The following ATF1 variants were observed in gnomAD, a reference collection of about 807,000 sequenced individuals.
ATF1 encodes the protein cyclic AMP-dependent transcription factor ATF-1.
In ATF1, 16 loss-of-function variants were observed where a neutral mutation model predicts 34.7. The ratio of observed to expected loss-of-function variants is 0.46; its 90% CI spans 0.31 to 0.70. The LOEUF (loss-of-function observed/expected upper bound fraction) is 0.70, where lower values mean the gene tolerates loss of function less well. Ranked by LOEUF, ATF1 falls within the 30% of genes least tolerant of loss-of-function variation. The pLI, the probability that ATF1 is intolerant of heterozygous loss-of-function variation, is 0.05. For missense variants in ATF1, 255 were observed against 321.6 expected (o/e 0.79, Z 1.58); for synonymous variants, 105 against 113.1 (o/e 0.93, Z 0.46).
chr12:50,805,787 C>T (rs1941604444), intron 3 of ATF1, among the ~76,000 whole-genome samples: 1 of 152,004 alleles, frequency 6.6e-6, no homozygotes, highest in Admixed American at 6.6e-5. Context: ...AGGTCTTGCT[C>T]TTAAGTCAGA....
intron 2 of ATF1, among the ~76,000 whole-genome samples, chr12:50,791,999 A>G (rs1023577043): frequency 6.6e-6 from 1 of 152,152 alleles, no homozygotes; most frequent in African/African-American, 2.4e-5. Flanking sequence ...GTTTTCAACC[A>G]TATCTCTTCA....
chr12:50,777,080 C>T (rs959353149), intron 1 of ATF1, among the ~76,000 whole-genome samples: 1 of 152,166 alleles, frequency 6.6e-6, no homozygotes, highest in Non-Finnish European at 1.5e-5. Context: ...TCTCGAACTC[C>T]TGACCTCAGA....
intron 2 of ATF1, among the ~76,000 whole-genome samples, chr12:50,783,323 G>T (rs1005779440): frequency 6.6e-6 from 1 of 152,114 alleles, no homozygotes; most frequent in Admixed American, 6.6e-5. Flanking sequence ...GCCTTATTTG[G>T]CTATATCTGT....
chr12:50,788,667 G>T (rs1040077817), intron 2 of ATF1, among the ~76,000 whole-genome samples: 2 of 152,044 alleles, frequency 1.3e-5, no homozygotes. Context: ...TTGCCTACTT[G>T]ATAAAATTTA....
rs1941792623 is a variant in ATF1 at position 50,814,125 on chromosome 12, T to G, written c.444T>G (p.Ile148Met). 1 of 1,614,214 alleles carries G rather than the reference T, an allele frequency of 6.2e-7. No homozygotes were observed. Residue 148 changes from isoleucine to methionine, a missense_variant, in exon 5 of 7, where the codon ATT becomes ATG. By Grantham distance (10) the Ile-to-Met change is conservative (BLOSUM62 1). Transcript: ENST00000262053. ...GCAGTACTCAGCAAGGTACAACTAT[T>G]CTTCAGTATGCACAGACCTCTGATG... ...NSGSTQQGTT[I>M]LQYAQTSDGQ...
intron 3 of ATF1, among the ~76,000 whole-genome samples, chr12:50,803,756 T>C (rs1396712665): frequency 6.6e-6 from 1 of 152,114 alleles, no homozygotes; most frequent in Non-Finnish European, 1.5e-5. Flanking sequence ...ATGGAATATT[T>C]TTACTTAGCA....
chr12:50,806,360 G>T, intron 3 of ATF1: 1 of 505,712 alleles, frequency 2.0e-6, no homozygotes, highest in Non-Finnish European at 4.1e-6. Flanking sequence ...CACCAGATGG[G>T]CTTGTAGACA....
rs753582664 is a variant in ATF1, at chr12:50,819,965, C to T, written c.*186C>T. 1.5e-5 allele frequency: 7 copies of T among 471,964 alleles called. 1 individual carries two copies. The highest frequency in any genetic ancestry group is 1.4e-4 in the East Asian group (4 of 27,670). 29.2% of individuals were successfully genotyped at this position (471,964 alleles called of 1,614,324 possible). ...GTGGAAAATGACCTCAAGGAAGCTA[C>T]GGGCACAACTGGAAGCTTTGTAGAA... On this transcript the variant is annotated 3_prime_UTR_variant, in exon 7 of 7. Transcript: ENST00000262053.
At chr12:50,785,964 G>T (rs113772682) in intron 2 of ATF1, among the ~76,000 whole-genome samples, 18 of 152,274 alleles carry the variant, frequency 1.2e-4, no homozygotes, top group African/African-American at 4.3e-4. Context: ...GCTTAATAAG[G>T]TTGGTTAGAA....
At chr12:50,796,153 T>C in intron 3 of ATF1, 144 bp downstream of exon 3, 1 of 662,562 alleles carries the variant, frequency 1.5e-6, no homozygotes, top group Non-Finnish European at 2.4e-6. Flanking sequence ...ATCCCAACCC[T>C]TTCGGAGGCC....
intron 6 of ATF1, 140 bp from the exon 7 acceptor site, chr12:50,819,495 C>G: frequency 1.0e-6 from 1 of 979,302 alleles, no homozygotes. Context: ...GAATTCTACA[C>G]TTAAGATCTA....
intron 3 of ATF1, chr12:50,806,416 G>C: frequency 2.1e-6 from 1 of 486,944 alleles, no homozygotes; most frequent in South Asian, 1.5e-5. Flanking sequence ...GCTGACAATG[G>C]TTCCCATCAA....
chr12:50,777,982 A>G (rs1940967185), intron 1 of ATF1, among the ~76,000 whole-genome samples: 1 of 143,690 alleles, frequency 7.0e-6, no homozygotes, highest in Admixed American at 7.1e-5. Context: ...CGGTAGTGTG[A>G]TCTCAGTTTA....
intron 3 of ATF1, 59 bp downstream of exon 3, chr12:50,796,068 G>T: frequency 1.4e-6 from 2 of 1,401,120 alleles, no homozygotes; most frequent in Non-Finnish European, 2.0e-6. Context: ...GAGTTCAAGA[G>T]GTGCTGTGCA....
chr12:50,782,412 C>T (rs1269595873), intron 2 of ATF1, among the ~76,000 whole-genome samples: 5 of 151,768 alleles, frequency 3.3e-5, no homozygotes, highest in South Asian at 2.1e-4. Flanking sequence ...CCCGCCACCA[C>T]GCCCGGCTAA....
At chr12:50,814,250 C>T (rs547316482) in intron 5 of ATF1, 30 bp from the exon 6 acceptor site, 3 of 1,613,434 alleles carry the variant, frequency 1.9e-6, no homozygotes, top group Non-Finnish European at 1.7e-6. Context: ...CACTTACTAA[C>T]TAACTCATTC....
At chr12:50,798,434 G>C (rs569743563) in intron 3 of ATF1, among the ~76,000 whole-genome samples, 18 of 151,342 alleles carry the variant, frequency 1.2e-4, no homozygotes, top group Admixed American at 6.6e-4. Context: ...TCAGTCTTCC[G>C]AGTAGCTGGG....
chr12:50,778,869 C>T (rs1940992030), intron 1 of ATF1, among the ~76,000 whole-genome samples: 1 of 152,218 alleles, frequency 6.6e-6, no homozygotes, highest in Non-Finnish European at 1.5e-5. Flanking sequence ...CCTTGAGCCA[C>T]CATGCCCAGC....
chr12:50,816,718 C>A (rs1382479539), intron 6 of ATF1, among the ~76,000 whole-genome samples: 1 of 151,978 alleles, frequency 6.6e-6, no homozygotes, highest in Admixed American at 6.6e-5. Flanking sequence ...TATAGGGAGA[C>A]CCCATCTCTA....
Sources: gnomAD v4.1 joint callset for allele counts (sites outside exome capture counted in the v4.1 genomes callset) on GRCh38, gnomAD v4.1.1 for gene constraint, MANE v1.5 for transcripts, NCBI Gene and HGNC (gene_info 2026-07-23, HGNC 2026-07-21) for gene names.